Variants in UBR1 observed in about 807,000 individuals in gnomAD.
UBR1 encodes the protein E3 ubiquitin-protein ligase UBR1.
In UBR1, 102 loss-of-function variants were observed where a neutral mutation model predicts 242.1. The ratio of observed to expected loss-of-function variants is 0.42; its 90% confidence interval spans 0.36 to 0.50. The LOEUF is 0.50. UBR1 is among the 20% of genes least tolerant of loss of function. UBR1 has a pLI of 0.01. For synonymous variants in UBR1, 675 were observed against 684.8 expected (o/e 0.99, Z 0.22); for missense variants, 1,772 against 2,101.8 (o/e 0.84, Z 3.07).
intron 40 of UBR1, among the ~76,000 whole-genome samples, chr15:42,969,068 T>A (rs1353833906): frequency 6.6e-6 from 1 of 152,194 alleles, no homozygotes; most frequent in African/African-American, 2.4e-5. Flanking sequence ...GTATTTCTAG[T>A]TCTAGATCCT....
intron 12 of UBR1, among the ~76,000 whole-genome samples, chr15:43,051,749 A>G (rs1235390208): frequency 6.6e-6 from 1 of 152,148 alleles, no homozygotes; most frequent in African/African-American, 2.4e-5. Context: ...AAGGGATTGG[A>G]ACAAACAAAA....
chr15:43,061,361 G>A (rs2033682381), intron 6 of UBR1, among the ~76,000 whole-genome samples: 1 of 152,174 alleles, frequency 6.6e-6, no homozygotes, highest in Non-Finnish European at 1.5e-5. Context: ...CAAATACTCA[G>A]TCCCAATACT....
At chr15:43,013,459 T>C (rs979762619) in intron 29 of UBR1, among the ~76,000 whole-genome samples, 3 of 152,228 alleles carry the variant, frequency 2.0e-5, no homozygotes, top group Non-Finnish European at 2.9e-5. Context: ...CCTGTAGTTA[T>C]AGGCAATGTC....
chr15:42,972,349 G>T (rs1361062839), intron 39 of UBR1, among the ~76,000 whole-genome samples: 1 of 151,782 alleles, frequency 6.6e-6, no homozygotes, highest in Non-Finnish European at 1.5e-5. Flanking sequence ...TTCATCACTC[G>T]GTAACTCATT....
intron 37 of UBR1, among the ~76,000 whole-genome samples, chr15:42,980,589 TATCCATCCATCC>T (rs111388433): frequency 2.3e-4 from 35 of 151,614 alleles, no homozygotes; most frequent in African/African-American, 7.0e-4. Context: ...CCTATCTATC[TATCCATCCATCC>T]ATCCATCCAT....
chr15:43,071,644 G>A (rs75063446), intron 4 of UBR1, among the ~76,000 whole-genome samples: 1 of 151,922 alleles, frequency 6.6e-6, no homozygotes, highest in Non-Finnish European at 1.5e-5. Context: ...TAAAAAAAAA[G>A]ATAAGGAACC....
chr15:42,961,921 AT>A (rs57244897), intron 42 of UBR1, among the ~76,000 whole-genome samples: 1,619 of 133,342 alleles, frequency 0.012, 22 homozygotes, highest in African/African-American at 0.032. Context: ...TGCCCAGCTA[AT>A]TTTTTTTTTT....
intron 40 of UBR1, among the ~76,000 whole-genome samples, chr15:42,968,288 ACTAT>A (rs1488085996): frequency 6.6e-6 from 1 of 152,026 alleles, no homozygotes; most frequent in East Asian, 1.9e-4. Context: ...ATTCCAACCT[ACTAT>A]CTTTTACTTC....
chr15:42,977,996 T>C (rs1344813108), intron 37 of UBR1, 49 bp from the exon 38 acceptor site: 1 of 1,502,384 alleles, frequency 6.7e-7, no homozygotes. Context: ...GATAGCAGTG[T>C]AGGTAAATAA....
chr15:43,063,666 T>C (rs1000446794), intron 6 of UBR1, among the ~76,000 whole-genome samples: 1 of 151,976 alleles, frequency 6.6e-6, no homozygotes, highest in Non-Finnish European at 1.5e-5. Flanking sequence ...TTTAAAAATA[T>C]GAACTTTAAA....
chr15:43,098,800 G>A (rs555851414), intron 1 of UBR1, among the ~76,000 whole-genome samples: 1 of 152,260 alleles, frequency 6.6e-6, no homozygotes, highest in African/African-American at 2.4e-5. Context: ...TAGAAATTAT[G>A]AGATGGTGAA....
chr15:42,965,558 G>C (rs926542605), intron 41 of UBR1, among the ~76,000 whole-genome samples: 4 of 151,772 alleles, frequency 2.6e-5, no homozygotes, highest in African/African-American at 7.3e-5. Context: ...CTGCCTCCTG[G>C]GTTCAAGTGA....
chr15:43,017,143 A>G lies in UBR1; in HGVS notation c.2979T>C (p.Cys993=). The G allele has an allele frequency of 6.2e-7, 1 of 1,613,838 alleles. No homozygotes were observed. Among genetic ancestry groups the G allele is most frequent in the Admixed American group, 1.7e-5 (1 of 60,026 alleles). ...DTVKRLREKS[C]LIVATTSGSE... ...ATCCTGATGTGGTTGCTACAATTAA[A>G]CAAGATTTTTCTCTTAATCGCTTCA... Residue 993 remains cysteine (C), a synonymous_variant, in exon 28 of 47, where the codon TGT becomes TGC. Transcript: ENST00000290650.
chr15:43,054,166 A>G (rs1415326886), intron 12 of UBR1, among the ~76,000 whole-genome samples: 1 of 151,894 alleles, frequency 6.6e-6, no homozygotes, highest in Non-Finnish European at 1.5e-5. Flanking sequence ...CTGGGCAACA[A>G]AAAGTGAGAC....
At chr15:42,974,605 T>G (rs1410191479) in intron 39 of UBR1, among the ~76,000 whole-genome samples, 1 of 152,224 alleles carries the variant, frequency 6.6e-6, no homozygotes, top group Non-Finnish European at 1.5e-5. Context: ...GTTTGTTTAC[T>G]TATTACTTAC....
Position 42,945,280 on chromosome 15 carries a change from G to C in UBR1, c.*49C>G. The C allele has an allele frequency of 6.2e-7, 1 of 1,613,600 alleles. No homozygotes were observed. The highest frequency in any genetic ancestry group is 8.5e-7 in the Non-Finnish European group (1 of 1,179,764). On this transcript the variant is annotated 3_prime_UTR_variant, in exon 47 of 47. Transcript: ENST00000290650. ...GAAAGTTTTCCATAATTTTGAATCA[G>C]CCTTTACTACTGTCGTCATTTGTGA...
At position 43,037,808 on chromosome 15, in the gene UBR1, T is replaced by G. The variant is rs2033356814; in HGVS notation, c.1987A>C (p.Met663Leu). 1 of 1,614,132 alleles carries G rather than the reference T, an allele frequency of 6.2e-7. No individual in the cohort carries two copies. Among genetic ancestry groups the G allele is most frequent in the African/African-American group, 1.3e-5 (1 of 75,032 alleles). The change falls in exon 17 of 47, where the codon ATG (methionine) becomes CTG (leucine). Residue 663 changes from methionine (M) to leucine (L), a missense_variant. This residue lies in a region of UBR1 where 734 missense variants were observed against 893.3 expected (regional missense o/e 0.82). Coordinates refer to ENST00000290650, the MANE Select transcript of UBR1 (RefSeq NM_174916.3). The part of the protein sequence containing the change: ...LVLVAQVVAE[M>L]WRRNGLSLIS... ...AGAGACAGTCCATTTCTTCGCCACATCTCAGCAACAACCTGGGCAACCAAC... is the reference window on the plus strand; with the variant it reads ...AGAGACAGTCCATTTCTTCGCCACAGCTCAGCAACAACCTGGGCAACCAAC...
intron 17 of UBR1, 148 bp from the exon 18 acceptor site, chr15:43,036,741 T>C (rs2141317063): frequency 1.6e-6 from 1 of 614,104 alleles, no homozygotes; most frequent in Non-Finnish European, 2.9e-6. Flanking sequence ...TATGAATCAC[T>C]TAAAGGGACT....
intron 1 of UBR1, among the ~76,000 whole-genome samples, chr15:43,089,708 G>C (rs1456121871): frequency 1.3e-5 from 2 of 151,994 alleles, no homozygotes; most frequent in East Asian, 1.9e-4. Flanking sequence ...GATCTGACGG[G>C]GACTACAGGC....
Sources: gnomAD v4.1 joint callset for allele counts (sites outside exome capture counted in the v4.1 genomes callset) on GRCh38, gnomAD v4.1.1 for gene constraint, gnomAD v4.1.1 regional missense constraint, MANE v1.5 for transcripts, NCBI Gene and HGNC (gene_info 2026-07-23, HGNC 2026-07-21) for gene names.